Variants in USP12 observed in about 807,000 individuals in gnomAD.
USP12 encodes ubiquitin specific peptidase 12.
In USP12, 19 loss-of-function variants were observed where a neutral mutation model predicts 45.5. The ratio of observed to expected loss-of-function variants is 0.42; its 90% CI spans 0.29 to 0.61. The LOEUF is 0.61. Among genes scored for constraint, USP12 ranks in the 20% least tolerant of loss-of-function variants. The probability of loss-of-function intolerance (pLI) is 0.22; values close to 1 mark genes in which losing one functional copy is unlikely to be tolerated. For synonymous variants in USP12, 149 were observed against 148.8 expected (o/e 1.00, Z -0.01); for missense variants, 242 against 447.7 (o/e 0.54, Z 4.15).
At position 27,066,596 on chromosome 13, in the gene USP12, T is replaced by A. The variant is rs1182360547; in HGVS notation, c.*2687A>T. ...TTCCCAAGCCTCCTGGTTCCTGTCT[T>A]AAATAATCTTTTAAAGGTAAAATTT... On this transcript the variant is annotated 3_prime_UTR_variant, in exon 9 of 9. Transcript: ENST00000282344. 1 of 152,190 alleles carries A rather than the reference T, an allele frequency of 6.6e-6. No individual in the cohort carries two copies. The highest frequency in any genetic ancestry group is 1.9e-4 in the East Asian group (1 of 5,202). 9.4% of individuals were successfully genotyped at this position (152,190 alleles called of 1,614,324 possible).
chr13:27,117,194 C>A (rs965471112), intron 1 of USP12, among the ~76,000 whole-genome samples: 8 of 152,238 alleles, frequency 5.3e-5, no homozygotes, highest in East Asian at 1.9e-4. Context: ...AGAACCAAAG[C>A]CTGGATCAAG....
chr13:27,095,577 T>C, intron 4 of USP12, 24 bp downstream of exon 4: 3 of 1,511,838 alleles, frequency 2.0e-6, no homozygotes, highest in Non-Finnish European at 1.8e-6. Flanking sequence ...TTTTTCTCTA[T>C]ACAAAATTGT....
intron 3 of USP12, among the ~76,000 whole-genome samples, chr13:27,099,422 G>A (rs1276022572): frequency 6.6e-6 from 1 of 152,088 alleles, no homozygotes; most frequent in East Asian, 1.9e-4. Flanking sequence ...CTAGGCTCAA[G>A]CAATCTGCCT....
chr13:27,074,029 G>C (rs936593340), intron 7 of USP12, among the ~76,000 whole-genome samples: 5 of 152,154 alleles, frequency 3.3e-5, no homozygotes, highest in Non-Finnish European at 7.3e-5. Flanking sequence ...TAAAAGACGG[G>C]ACCCAAGGCT....
rs1414098654 is a variant in USP12 at position 27,069,285 on chromosome 13, A to T, written c.1111T>A (p.Ter371ArgextTer45). ...GYILFYQSRD* is the reference protein window; with the variant it reads ...GYILFYQSRDR Reference sequence around the variant, plus strand: ...TGTCTCTTCATCACGGTTCCCTCTCAGTCCCGAGACTGATAGAAAAGGATG... The same window carrying T: ...TGTCTCTTCATCACGGTTCCCTCTCTGTCCCGAGACTGATAGAAAAGGATG... The change falls in exon 9 of 9, where the codon TGA becomes AGA. Residue 371 changes from the stop codon to arginine, a stop_lost. Transcript: ENST00000282344. 6.2e-7 allele frequency: 1 copy of T among 1,609,686 alleles called. No individual in the cohort carries two copies. Among genetic ancestry groups the T allele is most frequent in the Admixed American group, 1.7e-5 (1 of 60,006 alleles).
At chr13:27,074,378 C>A (rs1168688010) in intron 7 of USP12, among the ~76,000 whole-genome samples, 1 of 151,778 alleles carries the variant, frequency 6.6e-6, no homozygotes, top group African/African-American at 2.4e-5. Flanking sequence ...CCAGCCTGGG[C>A]CACAGAGCAA....
intron 1 of USP12, among the ~76,000 whole-genome samples, chr13:27,132,531 T>TG (rs1255644178): frequency 6.6e-6 from 1 of 152,204 alleles, no homozygotes; most frequent in Non-Finnish European, 1.5e-5. Context: ...TCCAATCTCT[T>TG]GGTTGTCCTC....
chr13:27,089,013 T>A (rs969681604), intron 6 of USP12, among the ~76,000 whole-genome samples: 3 of 151,040 alleles, frequency 2.0e-5, no homozygotes, highest in African/African-American at 7.3e-5. Flanking sequence ...CGAGACAAAC[T>A]CCAATAAGGG....
At chr13:27,094,870 G>A (rs1044434144) in intron 4 of USP12, among the ~76,000 whole-genome samples, 6 of 152,068 alleles carry the variant, frequency 3.9e-5, no homozygotes, top group African/African-American at 7.2e-5. Context: ...ATGACTGGCC[G>A]GGCATAATGG....
intron 1 of USP12, among the ~76,000 whole-genome samples, chr13:27,135,571 C>G (rs541984177): frequency 6.6e-6 from 1 of 152,114 alleles, no homozygotes; most frequent in Non-Finnish European, 1.5e-5. Flanking sequence ...AAAACTTAGC[C>G]GGGCATGGCA....
intron 6 of USP12, among the ~76,000 whole-genome samples, chr13:27,086,197 A>AATATATATATATAT (rs1555233236): frequency 7.2e-4 from 41 of 56,906 alleles, no homozygotes; most frequent in African/African-American, 1.5e-3. Flanking sequence ...AAAAAAAAAA[A>AATATATATATATAT]ATATATATAT....
intron 3 of USP12, among the ~76,000 whole-genome samples, chr13:27,103,345 C>T (rs1280424345): frequency 6.6e-6 from 1 of 151,684 alleles, no homozygotes; most frequent in East Asian, 1.9e-4. Flanking sequence ...AATTCAAAAG[C>T]CAAAAATATA....
chr13:27,125,514 C>G (rs976886251), intron 1 of USP12, among the ~76,000 whole-genome samples: 1 of 152,162 alleles, frequency 6.6e-6, no homozygotes, highest in African/African-American at 2.4e-5. Flanking sequence ...AGGAACAGCT[C>G]CGGTCTACAG....
chr13:27,088,291 CT>C lies in USP12; in HGVS notation c.734+1591del, dbSNP rs551253098. The stretch of plus-strand genomic sequence containing the variant: ...ATTAGCCGGGCGTGGTGGCGGGCGC[CT>C]GTAGTCCCAGCTACTCGGGAGGCTG... On this transcript the variant is annotated intron_variant, in intron 6 of 8. Coordinates refer to ENST00000282344, the MANE Select transcript of USP12 (RefSeq NM_182488.4). Among the ~76,000 whole-genome samples the C allele has an allele frequency of 6.0e-3, 916 of 152,180 alleles. 12 individuals are homozygous for C. Among genetic ancestry groups the C allele is most frequent in the African/African-American group, 0.021 (862 of 41,538 alleles).
At chr13:27,103,640 C>T (rs1874985096) in intron 3 of USP12, among the ~76,000 whole-genome samples, 1 of 121,490 alleles carries the variant, frequency 8.2e-6, no homozygotes. Flanking sequence ...AGGCCAGACA[C>T]AGTGGCTCAT....
chr13:27,091,029 C>T (rs1397982886), intron 4 of USP12, among the ~76,000 whole-genome samples: 1 of 152,112 alleles, frequency 6.6e-6, no homozygotes. Flanking sequence ...ATTAAGCTAA[C>T]CATAGGACCG....
In USP12 at chr13:27,085,446, G is replaced by A. The variant is rs144751630; in HGVS notation, c.734+4437C>T. On this transcript the variant is annotated intron_variant, in intron 6 of 8. Coordinates refer to ENST00000282344, the MANE Select transcript of USP12 (RefSeq NM_182488.4). ...TCTGCCCACCTTGGCCTCCCAAAGT[G>A]CTGGGATTACAGGCGTGAGCCACCG... Among the ~76,000 whole-genome samples the A allele has an allele frequency of 3.3e-5, 5 of 152,252 alleles. No individual in the cohort carries two copies. In the East Asian group the frequency reaches 9.7e-4, roughly 29 times the overall value.
At chr13:27,158,318 G>C (rs535274454) in intron 1 of USP12, among the ~76,000 whole-genome samples, 2 of 152,214 alleles carry the variant, frequency 1.3e-5, no homozygotes, top group Admixed American at 6.5e-5. Flanking sequence ...GAAAATGGAA[G>C]AGAGTCTCCT....
rs113779599 is a variant in USP12, at chr13:27,128,399, C to T, written c.49-11803G>A. On this transcript the variant is annotated intron_variant, in intron 1 of 8. Transcript: ENST00000282344. Reference sequence around the variant, plus strand: ...CAGCATAAGAACATACTTGAGTGCACGATGAAACTTTACAGATCCTACTTT... The same window carrying T: ...CAGCATAAGAACATACTTGAGTGCATGATGAAACTTTACAGATCCTACTTT... 3.9e-3 allele frequency among the ~76,000 whole-genome samples: 592 copies of T among 152,192 alleles called. 3 individuals carry two copies. The highest frequency in any genetic ancestry group is 6.8e-3 in the Non-Finnish European group (463 of 68,002).
Sources: gnomAD v4.1 joint callset for allele counts (sites outside exome capture counted in the v4.1 genomes callset) on GRCh38, gnomAD v4.1.1 for gene constraint, MANE v1.5 for transcripts, NCBI Gene and HGNC (gene_info 2026-07-23, HGNC 2026-07-21) for gene names.